CCL13: variants seen among roughly 807,000 people sequenced by gnomAD.
CCL13 encodes the protein C-C motif chemokine ligand 13, also known as C-C motif chemokine 13.
CCL13 carries 5 observed loss-of-function variants against 6.6 expected under a neutral mutation model. The ratio of observed to expected loss-of-function variants is 0.76; its 90% CI spans 0.40 to 1.60. The LOEUF is 1.60. Ranked by LOEUF, CCL13 falls within the 40% of genes most tolerant of loss-of-function variation. The probability of loss-of-function intolerance (pLI) is 0.02; values close to 1 mark genes in which losing one functional copy is unlikely to be tolerated. For synonymous variants in CCL13, 39 were observed against 43.0 expected (o/e 0.91, Z 0.37); for missense variants, 117 against 114.2 (o/e 1.02, Z -0.11).
chr17:34,357,912 G>A (rs555049655), intron 2 of CCL13, 114 bp from the exon 3 acceptor site: 1 of 677,898 alleles, frequency 1.5e-6, no homozygotes, highest in Non-Finnish European at 2.5e-6. Flanking sequence ...TCCTGGAGGG[G>A]TGCCCCTTCA....
In CCL13 at chr17:34,357,518, T is replaced by A; in HGVS notation, c.120T>A (p.Ser40Arg). 1 of 1,613,442 alleles carries A rather than the reference T, an allele frequency of 6.2e-7. No individual in the cohort carries two copies. Among genetic ancestry groups the A allele is most frequent in the African/African-American group, 1.3e-5 (1 of 75,034 alleles). ...VPSTCCFTFS[S>R]KKISLQRLKS... ...CTACTTGCTGCTTCACATTTAGCAG[T>A]AAGAAGATCTCCTTGCAGAGGCTGA... The change falls in exon 2 of 3, where the codon AGT becomes AGA. Residue 40 changes from serine (S) to arginine (R), a missense_variant. Coordinates refer to ENST00000225844, the MANE Select transcript of CCL13 (RefSeq NM_005408.3).
At position 34,358,398 on chromosome 17, in the gene CCL13, T is replaced by C; in HGVS notation, c.*267T>C. The C allele has an allele frequency of 2.4e-6, 1 of 421,772 alleles. No homozygotes were observed. Among genetic ancestry groups the C allele is most frequent in the Non-Finnish European group, 4.3e-6 (1 of 233,520 alleles). The allele number at this position is 421,772 out of a possible 1,614,324, so 26.1% of individuals were successfully genotyped here. On this transcript the variant is annotated 3_prime_UTR_variant, in exon 3 of 3. Coordinates refer to ENST00000225844, the MANE Select transcript of CCL13 (RefSeq NM_005408.3). ...TTGCTGTCTCTAAGCCCCCTTCCCT[T>C]CCACTATGAGCTGCTGGCAGTGGGT...
chr17:34,356,768 A>G (rs1597613230), intron 1 of CCL13, among the ~76,000 whole-genome samples, 166 bp downstream of exon 1: 1 of 152,102 alleles, frequency 6.6e-6, no homozygotes, highest in East Asian at 1.9e-4. Context: ...TTCACCTCCC[A>G]GGTTCAAGCG....
intron 1 of CCL13, 104 bp downstream of exon 1, chr17:34,356,706 A>C: frequency 1.3e-6 from 1 of 763,486 alleles, no homozygotes; most frequent in African/African-American, 1.7e-5. Context: ...ATTGAGTCTC[A>C]TTATGTTGCC....
intron 2 of CCL13, 64 bp downstream of exon 2, chr17:34,357,653 C>T (rs891999277): frequency 2.9e-5 from 28 of 981,768 alleles, no homozygotes; most frequent in Non-Finnish European, 4.6e-5. Context: ...ATCCAAAGTT[C>T]TGCCCCAGGA....
Position 34,357,553 on chromosome 17 carries a change from T to C in CCL13, c.155T>C (p.Val52Ala), listed in dbSNP as rs1475231937. Residue 52 changes from valine to alanine, a missense_variant, in exon 2 of 3, where the codon GTG becomes GCG. Transcript: ENST00000225844. ...KISLQRLKSY[V>A]ITTSRCPQKA... Reference sequence around the variant, plus strand: ...TCCTTGCAGAGGCTGAAGAGCTATGTGATCACCACCAGCAGGTGTCCCCAG... The same window carrying C: ...TCCTTGCAGAGGCTGAAGAGCTATGCGATCACCACCAGCAGGTGTCCCCAG... 9 of 1,613,256 alleles carry C rather than the reference T, an allele frequency of 5.6e-6. No individual in the cohort carries two copies. The highest frequency in any genetic ancestry group is 8.5e-7 in the Non-Finnish European group (1 of 1,179,326).
intron 2 of CCL13, among the ~76,000 whole-genome samples, chr17:34,357,810 C>T (rs911265891): frequency 6.6e-6 from 1 of 152,246 alleles, no homozygotes; most frequent in African/African-American, 2.4e-5. Flanking sequence ...AGCCCACACC[C>T]TTTAGCAGAT....
At chr17:34,356,922 G>A (rs1267300139) in intron 1 of CCL13, among the ~76,000 whole-genome samples, 6 of 152,110 alleles carry the variant, frequency 3.9e-5, no homozygotes, top group Non-Finnish European at 7.4e-5. Context: ...TGATCCTCCC[G>A]TCTCGGCCTC....
intron 2 of CCL13, 130 bp from the exon 3 acceptor site, chr17:34,357,896 T>C (rs1910393889): frequency 1.6e-6 from 1 of 638,962 alleles, no homozygotes; most frequent in Admixed American, 2.9e-5. Context: ...CACCTCCTAC[T>C]TCCTGTCCTG....
intron 1 of CCL13, among the ~76,000 whole-genome samples, 162 bp from the exon 2 acceptor site, chr17:34,357,313 C>A (rs1037014067): frequency 7.9e-5 from 12 of 152,122 alleles, no homozygotes; most frequent in African/African-American, 2.9e-4. Context: ...GTCACAGGTC[C>A]CACCTCACCT....
rs755154135 is a variant in CCL13 at position 34,356,618 on chromosome 17, T to G, written c.76+16T>G. On this transcript the variant is annotated intron_variant, in intron 1 of 2. Transcript: ENST00000225844. ...GCTCAGCCAGGTAAGTCACCTCCCT[T>G]CGACTCTCCCTCTCTTTCCCTCTGT... 4 of 1,579,272 alleles carry G rather than the reference T, an allele frequency of 2.5e-6. No individual in the cohort carries two copies. The Admixed American group carries it at 6.7e-5, about 26-fold the overall frequency.
rs568311080 is a variant in CCL13 at position 34,357,201 on chromosome 17, C to G, written c.77-274C>G. Among the ~76,000 whole-genome samples the G allele has an allele frequency of 5.8e-4, 88 of 152,246 alleles. 1 individual carries two copies. Among genetic ancestry groups the G allele is most frequent in the Non-Finnish European group, 2.2e-4 (15 of 68,014 alleles). On this transcript the variant is annotated intron_variant, in intron 1 of 2. Coordinates refer to ENST00000225844, the MANE Select transcript of CCL13 (RefSeq NM_005408.3). ...CGTCCCAAACTCTGCAGATCTGGGACCACACCCAGGACCTTTCCCACTGGC... is the reference window on the plus strand; with the variant it reads ...CGTCCCAAACTCTGCAGATCTGGGAGCACACCCAGGACCTTTCCCACTGGC...
intron 1 of CCL13, 48 bp from the exon 2 acceptor site, chr17:34,357,427 A>G (rs1327076550): frequency 7.8e-7 from 1 of 1,280,630 alleles, no homozygotes; most frequent in South Asian, 1.2e-5. Context: ...TCAAGCTGAG[A>G]AAAGCCTAAC....
At position 34,357,713 on chromosome 17, in the gene CCL13, G is replaced by A. The variant is rs141616003; in HGVS notation, c.191+124G>A. The A allele has an allele frequency of 6.6e-5, 45 of 683,246 alleles. No individual in the cohort carries two copies. The African/African-American group carries it at 6.7e-4, about 10-fold the overall frequency. The allele number at this position is 683,246 out of a possible 1,614,324, so 42.3% of individuals were successfully genotyped here. Reference sequence around the variant, plus strand: ...TCTTAGGATGAGATCTAGCCAGACTGTGTGATGCAAATCCTCCAATTTTGG... The same window carrying A: ...TCTTAGGATGAGATCTAGCCAGACTATGTGATGCAAATCCTCCAATTTTGG... On this transcript the variant is annotated intron_variant, in intron 2 of 2. Transcript: ENST00000225844.
At chr17:34,356,753 C>A in intron 1 of CCL13, 151 bp downstream of exon 1, 1 of 555,432 alleles carries the variant, frequency 1.8e-6, no homozygotes, top group Non-Finnish European at 3.3e-6. Flanking sequence ...TGGCTCATTG[C>A]AACCTTCACC....
At chr17:34,357,942 G>A (rs770316189) in intron 2 of CCL13, 84 bp from the exon 3 acceptor site, 2 of 904,846 alleles carry the variant, frequency 2.2e-6, no homozygotes, top group South Asian at 1.5e-5. Context: ...GGTGGACCAG[G>A]CAGGTTTAGA....
intron 1 of CCL13, 44 bp downstream of exon 1, chr17:34,356,646 C>G (rs1463097784): frequency 4.2e-6 from 6 of 1,429,028 alleles, no homozygotes; most frequent in Non-Finnish European, 5.9e-6. Context: ...CCCTCTGTTT[C>G]TCTATTCAAG....
chr17:34,357,010 G>C (rs1346411498), intron 1 of CCL13, among the ~76,000 whole-genome samples: 1 of 152,148 alleles, frequency 6.6e-6, no homozygotes, highest in Non-Finnish European at 1.5e-5. Flanking sequence ...GAATAGTAAG[G>C]CTCCTCAGAG....
At chr17:34,357,854 G>A (rs753444695) in intron 2 of CCL13, among the ~76,000 whole-genome samples, 172 bp from the exon 3 acceptor site, 1 of 152,220 alleles carries the variant, frequency 6.6e-6, no homozygotes, top group African/African-American at 2.4e-5. Context: ...AGCAAGAGCA[G>A]TGGCTGCCTC....
Sources: gnomAD v4.1 joint callset for allele counts (sites outside exome capture counted in the v4.1 genomes callset) on GRCh38, gnomAD v4.1.1 for gene constraint, MANE v1.5 for transcripts, NCBI Gene and HGNC (gene_info 2026-07-23, HGNC 2026-07-21) for gene names.